KIFC3: variants seen among roughly 807,000 people sequenced by gnomAD.
KIFC3 encodes the protein kinesin family member C3, also known as kinesin-like protein KIFC3.
KIFC3 carries 60 observed loss-of-function variants against 101.8 expected under a neutral mutation model. The ratio of observed to expected loss-of-function variants is 0.59; its 90% confidence interval spans 0.48 to 0.73. The LOEUF is 0.73. Among genes scored for constraint, KIFC3 ranks in the 30% least tolerant of loss-of-function variants. The pLI is 0.00. For missense variants in KIFC3, 966 were observed against 1,137.1 expected (o/e 0.85, Z 2.16); for synonymous variants, 476 against 482.7 (o/e 0.99, Z 0.18).
intron 1 of KIFC3, among the ~76,000 whole-genome samples, chr16:57,847,883 T>G (rs1474668641): frequency 6.6e-6 from 1 of 151,012 alleles, no homozygotes; most frequent in East Asian, 2.0e-4. Flanking sequence ...CCTCCGAGAT[T>G]CAAGCAATTC....
In KIFC3 at chr16:57,795,608, T is replaced by C. The variant is rs547438644; in HGVS notation, c.173-467A>G. On this transcript the variant is annotated intron_variant, in intron 2 of 19. Coordinates refer to ENST00000445690, the MANE Select transcript of KIFC3 (RefSeq NM_001130100.2). The stretch of plus-strand genomic sequence containing the variant: ...ACCAGGTGGCCCAGCCTCCGTTGCC[T>C]CCCCAAGCGTATTCAGAACCAGCTA... Among the ~76,000 whole-genome samples the C allele has an allele frequency of 7.9e-5, 12 of 152,272 alleles. No individual in the cohort carries two copies. The East Asian group carries it at 2.3e-3, about 29-fold the overall frequency.
intron 3 of KIFC3, among the ~76,000 whole-genome samples, chr16:57,789,352 G>A (rs1555619244): frequency 6.6e-6 from 1 of 152,262 alleles, no homozygotes; most frequent in Non-Finnish European, 1.5e-5. Flanking sequence ...CACAGGCACA[G>A]GGAGAGAGAG....
At chr16:57,783,078 G>A (rs1555615706) in intron 3 of KIFC3, among the ~76,000 whole-genome samples, 1 of 152,244 alleles carries the variant, frequency 6.6e-6, no homozygotes, top group East Asian at 1.9e-4. Flanking sequence ...GAGAGCTGGG[G>A]CTCAAATAAC....
rs576678242 is a variant in KIFC3, at chr16:57,796,430, G to A, written c.173-1289C>T. Among the ~76,000 whole-genome samples, 10 of 152,260 alleles carry A rather than the reference G, an allele frequency of 6.6e-5. No homozygotes were observed. The East Asian group carries it at 1.9e-3, about 29-fold the overall frequency. On this transcript the variant is annotated intron_variant, in intron 2 of 19. Coordinates refer to ENST00000445690, the MANE Select transcript of KIFC3 (RefSeq NM_001130100.2). The stretch of plus-strand genomic sequence containing the variant: ...AGGCAAAGAACCGGAAGCCTGGAAG[G>A]GTTAACAATGTGCCCAGGGTCACAG...
chr16:57,796,170 G>C (rs1205471744), intron 2 of KIFC3, among the ~76,000 whole-genome samples: 6 of 152,170 alleles, frequency 3.9e-5, no homozygotes, highest in Non-Finnish European at 8.8e-5. Context: ...TAGGATTACA[G>C]GCGTGAGCCA....
chr16:57,824,765 G>T (rs2055424315), intron 1 of KIFC3, among the ~76,000 whole-genome samples: 1 of 152,136 alleles, frequency 6.6e-6, no homozygotes, highest in East Asian at 1.9e-4. Context: ...CCCTGTAGGT[G>T]CAATGAACAA....
At chr16:57,808,184 T>C (rs1002710590), upstream of KIFC3, among the ~76,000 whole-genome samples, 38 of 151,874 alleles carry the variant, frequency 2.5e-4, no homozygotes, top group African/African-American at 7.3e-4. Flanking sequence ...AGGTTTTTTT[T>C]CCCCTTTTAT....
chr16:57,861,443 C>G (rs1474592930), intron 1 of KIFC3, among the ~76,000 whole-genome samples: 2 of 152,202 alleles, frequency 1.3e-5, no homozygotes, highest in African/African-American at 4.8e-5. Context: ...CTTTCCTTCT[C>G]TCACTGCACA....
intron 3 of KIFC3, among the ~76,000 whole-genome samples, chr16:57,788,323 A>G (rs1194724200): frequency 6.6e-6 from 1 of 152,056 alleles, no homozygotes; most frequent in African/African-American, 2.4e-5. Flanking sequence ...CTGGCCAAGG[A>G]CTCTTATCAC....
intron 1 of KIFC3, among the ~76,000 whole-genome samples, chr16:57,852,240 T>C (rs922485570): frequency 3.9e-5 from 6 of 152,204 alleles, no homozygotes; most frequent in African/African-American, 1.4e-4. Flanking sequence ...AGCTTGTGAC[T>C]GGAGGACTTT....
At chr16:57,796,153 A>G (rs1482930701) in intron 2 of KIFC3, among the ~76,000 whole-genome samples, 3 of 152,084 alleles carry the variant, frequency 2.0e-5, no homozygotes, top group African/African-American at 7.2e-5. Context: ...TTGGCCTCCC[A>G]AAGTGCTAGG....
intron 1 of KIFC3, among the ~76,000 whole-genome samples, chr16:57,833,540 C>G (rs1307516368): frequency 1.3e-5 from 2 of 152,162 alleles, no homozygotes; most frequent in Admixed American, 6.5e-5. Flanking sequence ...CCGGCTGCAC[C>G]CAGGCTCCTG....
intron 1 of KIFC3, among the ~76,000 whole-genome samples, chr16:57,854,641 AAAAGAAAG>A (rs531991841): frequency 3.2e-4 from 48 of 151,314 alleles, no homozygotes; most frequent in African/African-American, 9.5e-4. Flanking sequence ...AAAAAAAAAA[AAAAGAAAG>A]AAAGAAAATT....
chr16:57,829,227 GT>G (rs1284839807), intron 1 of KIFC3, among the ~76,000 whole-genome samples: 1 of 151,948 alleles, frequency 6.6e-6, no homozygotes, highest in Non-Finnish European at 1.5e-5. Context: ...TTTTATTTTA[GT>G]TTTTAAAATT....
At chr16:57,820,700 C>T (rs2967141) in intron 1 of KIFC3, among the ~76,000 whole-genome samples, 45,668 of 152,146 alleles carry the variant, frequency 0.3, 7,165 homozygotes, top group South Asian at 0.33. Flanking sequence ...GCTTCTTAAT[C>T]GTCTTTCTCT....
At chr16:57,831,476 T>C (rs1272605470) in intron 1 of KIFC3, among the ~76,000 whole-genome samples, 1 of 152,206 alleles carries the variant, frequency 6.6e-6, no homozygotes. Context: ...GGCTAGGAGT[T>C]TGAGACCAAC....
intron 1 of KIFC3, among the ~76,000 whole-genome samples, chr16:57,852,270 G>A (rs1567343154): frequency 3.3e-5 from 5 of 152,198 alleles, no homozygotes; most frequent in Non-Finnish European, 5.9e-5. Flanking sequence ...TGATGGACCC[G>A]GGCCTTGGAG....
Position 57,786,814 on chromosome 16 carries a change from TG to T in KIFC3, c.315+8184del, listed in dbSNP as rs374967923. Among the ~76,000 whole-genome samples the T allele has an allele frequency of 4.1e-3, 618 of 152,212 alleles. 3 individuals carry two copies. The highest frequency in any genetic ancestry group is 0.014 in the African/African-American group (594 of 41,526). ...CTGAGGGAAGCCAAACGGACTCAGC[TG>T]GACAGGGAAGTGGGGAGGGTGCAGC... is the stretch of plus-strand genomic sequence containing the variant. On this transcript the variant is annotated intron_variant, in intron 3 of 19. Transcript: ENST00000445690.
In KIFC3 at chr16:57,775,137, T is replaced by G. The variant is rs1598000321; in HGVS notation, c.316-2849A>C. 5.8e-6 allele frequency: 8 copies of G among 1,379,370 alleles called. No individual in the cohort carries two copies. In the East Asian group the frequency reaches 2.3e-4, roughly 40 times the overall value. The allele number at this position is 1,379,370 out of a possible 1,614,324, so 85.4% of individuals were successfully genotyped here. ...CTGTCCTTGCATCACAATGGGAACC[T>G]GGGGGCTCCTGGGCTCTGTCCAGAA... is the stretch of plus-strand genomic sequence containing the variant. On this transcript the variant is annotated intron_variant, in intron 3 of 19. Transcript: ENST00000445690.
Sources: allele counts gnomAD v4.1 joint callset (sites outside exome capture counted in the v4.1 genomes callset), GRCh38; gene constraint gnomAD v4.1.1; transcripts MANE v1.5; gene names NCBI Gene and HGNC (gene_info 2026-07-23, HGNC 2026-07-21).